IRX1: variants seen among roughly 807,000 people sequenced by gnomAD.
IRX1 encodes the protein iroquois homeobox 1, also known as iroquois-class homeodomain protein IRX-1.
IRX1 carries 22 observed loss-of-function variants against 34.1 expected under a neutral mutation model. The ratio of observed to expected loss-of-function variants is 0.64; its 90% CI spans 0.46 to 0.92. The LOEUF (loss-of-function observed/expected upper bound fraction) is 0.92, where lower values mean the gene tolerates loss of function less well. Among genes scored for constraint, IRX1 ranks in the 40% least tolerant of loss-of-function variants. IRX1 has a pLI of 0.00. For missense variants in IRX1, 758 were observed against 680.0 expected, an observed-to-expected ratio of 1.11 and a Z score of -1.28; for synonymous variants, 363 against 319.0, an observed-to-expected ratio of 1.14 and a Z score of -1.47.
In IRX1 at chr5:3,599,458, C is replaced by T. The variant is rs770493837; in HGVS notation, c.510C>T (p.Thr170=). 2.9e-5 allele frequency: 46 copies of T among 1,613,974 alleles called. No homozygotes were observed. The highest frequency in any genetic ancestry group is 3.8e-5 in the Non-Finnish European group (45 of 1,180,046). The change falls in exon 2 of 4, where the codon ACC becomes ACT. Residue 170 remains threonine (T), a synonymous_variant. Transcript: ENST00000302006. This position sits in a 1 kb window ranked among gnomAD's most constrained non-coding sequence, Gnocchi z 6.6. ...KIMLAIITKM[T]LTQVSTWFAN... The stretch of plus-strand genomic sequence containing the variant: ...TGCTGGCCATCATCACCAAGATGAC[C>T]CTCACGCAGGTCTCCACCTGGTTCG...
At chr5:3,600,772 GT>G in intron 3 of IRX1, 91 bp downstream of exon 3, 2 of 1,294,814 alleles carry the variant, frequency 1.5e-6, no homozygotes, top group South Asian at 2.4e-5. Flanking sequence ...CTGGGTGGCG[GT>G]GGGGGTCGCG....
chr5:3,599,233 G>A lies in IRX1; in HGVS notation c.285G>A (p.Gln95=), dbSNP rs776546995. The change falls in exon 2 of 4, where the codon CAG becomes CAA. Residue 95 remains glutamine, a synonymous_variant. Transcript: ENST00000302006. The surrounding 1 kb of genome is among the most constrained non-coding windows in gnomAD (Gnocchi z 6.6). ...CTGCCCTGTGGCTTCAGGGCTCGCA[G>A]TATGAACTGAAGGACAACCCTGGGG... is the stretch of plus-strand genomic sequence containing the variant. ...DLSLFSQMGS[Q]YELKDNPGVH... 25 of 1,612,530 alleles carry A rather than the reference G, an allele frequency of 1.6e-5. No individual in the cohort carries two copies. The highest frequency in any genetic ancestry group is 2.0e-5 in the Non-Finnish European group (24 of 1,179,244).
chr5:3,597,898 A>T (rs1455401017), intron 1 of IRX1, among the ~76,000 whole-genome samples: 1 of 152,200 alleles, frequency 6.6e-6, no homozygotes, highest in African/African-American at 2.4e-5. Flanking sequence ...TTGCGAATGC[A>T]GTTGTGTGCC....
rs1159585006 is a variant in IRX1 at position 3,599,986 on chromosome 5, C to G, written c.1038C>G (p.Pro346=). The G allele has an allele frequency of 3.3e-6, 5 of 1,515,866 alleles. No homozygotes were observed. The highest frequency in any genetic ancestry group is 4.4e-6 in the Non-Finnish European group (5 of 1,126,780). The allele number at this position is 1,515,866 out of a possible 1,614,324, so 93.9% of individuals were successfully genotyped here. ...PPAGHPGAHG[P]SAGAPLQHPA... is the part of the protein sequence containing the mutation. Reference sequence around the variant, plus strand: ...CGGGCCACCCCGGCGCGCACGGGCCCTCCGCCGGGGCGCCGCTGCAACACC... The same window carrying G: ...CGGGCCACCCCGGCGCGCACGGGCCGTCCGCCGGGGCGCCGCTGCAACACC... Residue 346 remains proline (P), a synonymous_variant, in exon 2 of 4, where the codon CCC becomes CCG. Coordinates refer to ENST00000302006, the MANE Select transcript of IRX1 (RefSeq NM_024337.4). This position sits in a 1 kb window ranked among gnomAD's most constrained non-coding sequence, Gnocchi z 6.6.
chr5:3,596,117 G>T lies in IRX1; in HGVS notation c.12G>T (p.Pro4=), dbSNP rs1014184871. 4 of 1,055,508 alleles carry T rather than the reference G, an allele frequency of 3.8e-6. No homozygotes were observed. Among genetic ancestry groups the T allele is most frequent in the Non-Finnish European group, 2.3e-6 (2 of 875,796 alleles). 65.4% of individuals were successfully genotyped at this position (1,055,508 alleles called of 1,614,324 possible). The change falls in exon 1 of 4, where the codon CCG becomes CCT. Residue 4 remains proline (P), a synonymous_variant. Transcript: ENST00000302006. MSF[P]QLGYPQYLSA... Reference sequence around the variant, plus strand: ...CCGAGTCCGCGGACATGTCCTTCCCGCAGCTGGGCTACCCGCAGTACCTGA... The same window carrying T: ...CCGAGTCCGCGGACATGTCCTTCCCTCAGCTGGGCTACCCGCAGTACCTGA...
Position 3,599,940 on chromosome 5 carries a change from A to G in IRX1, c.992A>G (p.Lys331Arg), listed in dbSNP as rs1362032428. 2.7e-6 allele frequency: 4 copies of G among 1,499,210 alleles called. No individual in the cohort carries two copies. Among genetic ancestry groups the G allele is most frequent in the Non-Finnish European group, 3.6e-6 (4 of 1,121,528 alleles). 92.9% of individuals were successfully genotyped at this position (1,499,210 alleles called of 1,614,324 possible). ...ETATSPDGAP[K>R]ASPPPPAGHP... ...GCCACGAGCCCCGACGGTGCGCCCA[A>G]GGCTTCGCCACCACCACCCGCGGGC... is the stretch of plus-strand genomic sequence containing the variant. Residue 331 changes from lysine to arginine, a missense_variant, in exon 2 of 4, where the codon AAG (lysine) becomes AGG (arginine). Lys to Arg is a conservative substitution (Grantham distance 26). Around this residue, in one of 3 missense-constraint regions of IRX1, gnomAD observed 529 missense variants for 418.8 expected, o/e 1.26. Transcript: ENST00000302006. This position sits in a 1 kb window ranked among gnomAD's most constrained non-coding sequence, Gnocchi z 6.6.
chr5:3,599,934 C>A lies in IRX1; in HGVS notation c.986C>A (p.Ala329Glu), dbSNP rs779620437. 3 of 1,485,146 alleles carry A rather than the reference C, an allele frequency of 2.0e-6. No homozygotes were observed. The highest frequency in any genetic ancestry group is 1.3e-5 in the South Asian group (1 of 74,928). The allele number at this position is 1,485,146 out of a possible 1,614,324, so 92.0% of individuals were successfully genotyped here. A position where few individuals can be genotyped will look rare whatever the true frequency, so the allele number is the denominator to read the frequency against. Reference sequence around the variant, plus strand: ...GAGACAGCCACGAGCCCCGACGGTGCGCCCAAGGCTTCGCCACCACCACCC... The same window carrying A: ...GAGACAGCCACGAGCCCCGACGGTGAGCCCAAGGCTTCGCCACCACCACCC... The part of the protein sequence containing the change: ...LAETATSPDG[A>E]PKASPPPPAG... Residue 329 changes from alanine (A) to glutamate (E), a missense_variant, in exon 2 of 4, where the codon GCG (alanine) becomes GAG (glutamate). Physicochemically the swap from Ala to Glu is moderately radical, Grantham distance 107. Coordinates refer to ENST00000302006, the MANE Select transcript of IRX1 (RefSeq NM_024337.4). The surrounding 1 kb of genome is among the most constrained non-coding windows in gnomAD (Gnocchi z 6.6).
rs931097639 is a variant in IRX1, at chr5:3,599,930, G to A, written c.982G>A (p.Gly328Ser). 5 of 1,486,632 alleles carry A rather than the reference G, an allele frequency of 3.4e-6. No homozygotes were observed. In the African/African-American group the frequency reaches 4.3e-5, roughly 13 times the overall value. The allele number at this position is 1,486,632 out of a possible 1,614,324, so 92.1% of individuals were successfully genotyped here. Reference protein sequence around the residue: ...SLAETATSPDGAPKASPPPPA... With the variant: ...SLAETATSPDSAPKASPPPPA... ...GGCGGAGACAGCCACGAGCCCCGAC[G>A]GTGCGCCCAAGGCTTCGCCACCACC... The change falls in exon 2 of 4, where the codon GGT becomes AGT. Residue 328 changes from glycine to serine, a missense_variant. By Grantham distance (56) the Gly-to-Ser change is moderately conservative. Transcript: ENST00000302006. The surrounding 1 kb of genome is among the most constrained non-coding windows in gnomAD (Gnocchi z 6.6).
In IRX1 at chr5:3,599,184, C is replaced by A; in HGVS notation, c.277-41C>A. 1.3e-6 allele frequency: 2 copies of A among 1,567,712 alleles called. No homozygotes were observed. Among genetic ancestry groups the A allele is most frequent in the Non-Finnish European group, 1.7e-6 (2 of 1,148,564 alleles). On this transcript the variant is annotated intron_variant, in intron 1 of 3. Coordinates refer to ENST00000302006, the MANE Select transcript of IRX1 (RefSeq NM_024337.4). This position sits in a 1 kb window ranked among gnomAD's most constrained non-coding sequence, Gnocchi z 6.6. ...TCTCTCTCCCTTTCTCTCTCCACTT[C>A]CCTCCTCTCTCTCCTCGATGGATCT...
intron 1 of IRX1, among the ~76,000 whole-genome samples, chr5:3,598,719 G>A (rs543074370): frequency 4.0e-4 from 61 of 152,332 alleles, no homozygotes; most frequent in Non-Finnish European, 2.4e-4. Context: ...TTTTGATTGA[G>A]CCCCCTCTGG....
intron 3 of IRX1, 131 bp downstream of exon 3, chr5:3,600,812 C>T (rs1733946009): frequency 7.0e-6 from 8 of 1,146,346 alleles, no homozygotes; most frequent in Non-Finnish European, 9.0e-6. Context: ...CGCTCCCCGC[C>T]AGCCCTGGGC....
intron 2 of IRX1, 105 bp from the exon 3 acceptor site, chr5:3,600,504 T>TCGG (rs1733935040): frequency 9.2e-7 from 1 of 1,091,838 alleles, no homozygotes; most frequent in African/African-American, 1.6e-5. Context: ...GTGACGTTTT[T>TCGG]CGGCGAATCT....
In IRX1 at chr5:3,601,061, T is replaced by C; in HGVS notation, c.*21T>C. The stretch of plus-strand genomic sequence containing the variant: ...CCTGATTAAGGGTCTTCTTTTACTT[T>C]TGCGGGGGGGAGGGGGGAGGAGTTG... On this transcript the variant is annotated 3_prime_UTR_variant, in exon 4 of 4. Transcript: ENST00000302006. 6.3e-7 allele frequency: 1 copy of C among 1,583,448 alleles called. No homozygotes were observed. Among genetic ancestry groups the C allele is most frequent in the Non-Finnish European group, 8.6e-7 (1 of 1,163,472 alleles).
chr5:3,597,410 G>A (rs1057022452), intron 1 of IRX1, among the ~76,000 whole-genome samples: 2 of 152,174 alleles, frequency 1.3e-5, no homozygotes, highest in Non-Finnish European at 1.5e-5. Context: ...AAGCACCCGC[G>A]ATATCTCCCC....
intron 3 of IRX1, 116 bp from the exon 4 acceptor site, chr5:3,600,867 C>G: frequency 8.0e-7 from 1 of 1,252,046 alleles, no homozygotes; most frequent in South Asian, 1.2e-5. Context: ...AGCCGGGAGC[C>G]GCGCTGGCTG....
Position 3,600,966 on chromosome 5 carries a change from CTG to C in IRX1, c.1386-13_1386-12del, listed in dbSNP as rs769671133. The C allele has an allele frequency of 4.3e-6, 7 of 1,613,228 alleles. No homozygotes were observed. Among genetic ancestry groups the C allele is most frequent in the Middle Eastern group, 1.7e-4 (1 of 6,052 alleles). ...ACAGTGCCCCTGTCTTCTTGTCTCGCTGTGTTTCCCATGCAGCTCTCTGGCCC... is the reference window on the plus strand; with the variant it reads ...ACAGTGCCCCTGTCTTCTTGTCTCGCTGTTTCCCATGCAGCTCTCTGGCCC... On this transcript the variant is annotated splice_polypyrimidine_tract_variant and intron_variant, in intron 3 of 3. Transcript: ENST00000302006.
Position 3,599,115 on chromosome 5 carries a change from C to A in IRX1, c.277-110C>A, listed in dbSNP as rs962928590. The A allele has an allele frequency of 2.6e-6, 3 of 1,159,358 alleles. No homozygotes were observed. The Admixed American group carries it at 7.9e-5, about 30-fold the overall frequency. 71.8% of individuals were successfully genotyped at this position (1,159,358 alleles called of 1,614,324 possible). A position where few individuals can be genotyped will look rare whatever the true frequency, so the allele number is the denominator to read the frequency against. On this transcript the variant is annotated intron_variant, in intron 1 of 3. Coordinates refer to ENST00000302006, the MANE Select transcript of IRX1 (RefSeq NM_024337.4). This position sits in a 1 kb window ranked among gnomAD's most constrained non-coding sequence, Gnocchi z 6.6. ...TGGGAGGCCCTCGAGTCCATTGAAG[C>A]GGCTGCTTCCCACTCTCCCGTCTTG... is the stretch of plus-strand genomic sequence containing the variant.
At chr5:3,596,955 G>A (rs1460824436) in intron 1 of IRX1, among the ~76,000 whole-genome samples, 2 of 152,184 alleles carry the variant, frequency 1.3e-5, no homozygotes, top group South Asian at 4.2e-4. Context: ...AGGTCCAAAG[G>A]GATGGAGAGG....
chr5:3,596,117 G>A lies in IRX1; in HGVS notation c.12G>A (p.Pro4=), dbSNP rs1014184871. 1.4e-5 allele frequency: 15 copies of A among 1,055,508 alleles called. No homozygotes were observed. The South Asian group carries it at 2.2e-4, about 15-fold the overall frequency. 65.4% of individuals were successfully genotyped at this position (1,055,508 alleles called of 1,614,324 possible). A position where few individuals can be genotyped will look rare whatever the true frequency, so the allele number is the denominator to read the frequency against. Reference sequence around the variant, plus strand: ...CCGAGTCCGCGGACATGTCCTTCCCGCAGCTGGGCTACCCGCAGTACCTGA... The same window carrying A: ...CCGAGTCCGCGGACATGTCCTTCCCACAGCTGGGCTACCCGCAGTACCTGA... MSF[P]QLGYPQYLSA... is the part of the protein sequence containing the mutation. The change falls in exon 1 of 4, where the codon CCG becomes CCA. Residue 4 remains proline, a synonymous_variant. Coordinates refer to ENST00000302006, the MANE Select transcript of IRX1 (RefSeq NM_024337.4).
Sources: allele counts gnomAD v4.1 joint callset (sites outside exome capture counted in the v4.1 genomes callset), GRCh38; gene constraint gnomAD v4.1.1; regional missense constraint gnomAD v4.1.1; non-coding constraint Gnocchi (gnomAD v3.1); transcripts MANE v1.5; gene names NCBI Gene and HGNC (gene_info 2026-07-23, HGNC 2026-07-21).